RALYL: variants seen among roughly 807,000 people sequenced by gnomAD.
The protein encoded by RALYL is RALY RNA binding protein like.
In RALYL, 29 loss-of-function variants were observed where a neutral mutation model predicts 35.1. The ratio of observed to expected loss-of-function variants is 0.83; its 90% CI spans 0.61 to 1.13. RALYL has a LOEUF of 1.13. RALYL is among the 50% of genes most tolerant of loss of function. The probability of loss-of-function intolerance (pLI) is 0.00; values close to 1 mark genes in which losing one functional copy is unlikely to be tolerated. For missense variants in RALYL, 359 were observed against 360.4 expected (o/e 1.00, Z 0.03); for synonymous variants, 120 against 127.6 (o/e 0.94, Z 0.40).
chr8:84,314,514 C>G (rs1193430118), intron 1 of RALYL, among the ~76,000 whole-genome samples: 1 of 151,848 alleles, frequency 6.6e-6, no homozygotes, highest in Admixed American at 6.6e-5. Flanking sequence ...AAAAGATCTT[C>G]TCAATAAATA....
chr8:84,301,167 T>C (rs1473802668), intron 1 of RALYL, among the ~76,000 whole-genome samples: 1 of 152,056 alleles, frequency 6.6e-6, no homozygotes, highest in Non-Finnish European at 1.5e-5. Context: ...TAAGAAATCA[T>C]GGTTGGAATT....
intron 1 of RALYL, among the ~76,000 whole-genome samples, chr8:84,373,346 T>C (rs1856288633): frequency 6.6e-6 from 1 of 152,030 alleles, no homozygotes; most frequent in African/African-American, 2.4e-5. Context: ...GTTTTTATAG[T>C]TTCAGGTTTT....
intron 2 of RALYL, among the ~76,000 whole-genome samples, chr8:84,739,573 T>C (rs1002268538): frequency 7.9e-5 from 12 of 151,776 alleles, no homozygotes; most frequent in African/African-American, 2.9e-4. Context: ...TATATATGTA[T>C]TTCATATATA....
intron 1 of RALYL, among the ~76,000 whole-genome samples, chr8:84,488,123 C>T (rs553207322): frequency 6.6e-6 from 1 of 152,100 alleles, no homozygotes; most frequent in African/African-American, 2.4e-5. Context: ...TTTATAACTC[C>T]ACTTTATAGA....
rs535782846 is a variant in RALYL at position 84,485,375 on chromosome 8, G to A, written c.-23-43924G>A. On this transcript the variant is annotated intron_variant, in intron 1 of 8. Coordinates refer to ENST00000521268, the MANE Select transcript of RALYL (RefSeq NM_173848.7). ...AGGCGGAGGCGAGTGGATCACTTGA[G>A]GTCAGGAGTTTGAGTCCAGCATGGC... 3.6e-4 allele frequency among the ~76,000 whole-genome samples: 55 copies of A among 152,114 alleles called. 1 individual carries two copies. Among genetic ancestry groups the A allele is most frequent in the South Asian group, 1.0e-3 (5 of 4,822 alleles).
intron 1 of RALYL, among the ~76,000 whole-genome samples, chr8:84,396,258 A>G (rs1157493059): frequency 2.6e-5 from 4 of 152,012 alleles, no homozygotes; most frequent in African/African-American, 9.7e-5. Context: ...TTACCTTCCC[A>G]TGATGGGCTC....
At chr8:84,281,438 T>C (rs1836534562) in intron 1 of RALYL, among the ~76,000 whole-genome samples, 1 of 152,202 alleles carries the variant, frequency 6.6e-6, no homozygotes, top group African/African-American at 2.4e-5. Flanking sequence ...TGTAAGGTTT[T>C]ACAACATATG....
In RALYL at chr8:84,571,875, G is replaced by C. The variant is rs188168035; in HGVS notation, c.256+42298G>C. ...CCTTAATTTCTTTATTTACCCAAAA[G>C]CCATTCAGGAGGAAATTGTTTAGTT... On this transcript the variant is annotated intron_variant, in intron 2 of 8. Transcript: ENST00000521268. 2.3e-3 allele frequency among the ~76,000 whole-genome samples: 348 copies of C among 151,884 alleles called. 2 individuals carry two copies. The highest frequency in any genetic ancestry group is 7.9e-3 in the African/African-American group (326 of 41,496).
At chr8:84,696,013 A>G (rs1310922321) in intron 2 of RALYL, among the ~76,000 whole-genome samples, 3 of 151,814 alleles carry the variant, frequency 2.0e-5, no homozygotes, top group African/African-American at 7.2e-5. Context: ...CAAATCTGCT[A>G]TGAACAGGAT....
intron 2 of RALYL, among the ~76,000 whole-genome samples, chr8:84,735,851 C>T (rs925713287): frequency 1.7e-5 from 2 of 117,262 alleles, no homozygotes; most frequent in Admixed American, 8.1e-5. Flanking sequence ...AGAGAGAGAA[C>T]GAGAACACAC....
chr8:84,848,838 A>G (rs938190654), intron 4 of RALYL, among the ~76,000 whole-genome samples: 4 of 152,054 alleles, frequency 2.6e-5, no homozygotes, highest in Non-Finnish European at 1.5e-5. Flanking sequence ...GAGTAAGTAA[A>G]CTTTTTTTTT....
At chr8:84,919,463 A>G (rs183227527) in intron 8 of RALYL, among the ~76,000 whole-genome samples, 32 of 152,212 alleles carry the variant, frequency 2.1e-4, no homozygotes, top group Admixed American at 1.7e-3. Context: ...ATGTTGTATA[A>G]TAAGTTCGAA....
chr8:84,575,529 G>A (rs888841036), intron 2 of RALYL, among the ~76,000 whole-genome samples: 4 of 152,170 alleles, frequency 2.6e-5, no homozygotes, highest in Non-Finnish European at 4.4e-5. Flanking sequence ...GATTGAGGTT[G>A]ACAGTTTAGT....
intron 1 of RALYL, among the ~76,000 whole-genome samples, chr8:84,240,770 A>G (rs1394953313): frequency 6.6e-6 from 1 of 152,210 alleles, no homozygotes; most frequent in Non-Finnish European, 1.5e-5. Flanking sequence ...AATAGAAAAG[A>G]TGTGATAAAA....
At chr8:84,248,181 T>C (rs1829491860) in intron 1 of RALYL, among the ~76,000 whole-genome samples, 1 of 152,094 alleles carries the variant, frequency 6.6e-6, no homozygotes, top group Admixed American at 6.6e-5. Flanking sequence ...AAATATGTGA[T>C]TAAATTTAGT....
intron 6 of RALYL, among the ~76,000 whole-genome samples, chr8:84,863,694 CA>C (rs1012359984): frequency 3.9e-5 from 6 of 152,042 alleles, no homozygotes; most frequent in African/African-American, 1.4e-4. Flanking sequence ...TTTGTTTTTA[CA>C]AAATGCAGTT....
chr8:84,733,158 G>C (rs1413991222), intron 2 of RALYL, among the ~76,000 whole-genome samples: 3 of 152,176 alleles, frequency 2.0e-5, no homozygotes, highest in East Asian at 3.9e-4. Context: ...GCTTACTGCT[G>C]TCAGGTAAAT....
At chr8:84,723,842 A>G (rs1271990476) in intron 2 of RALYL, among the ~76,000 whole-genome samples, 2 of 151,376 alleles carry the variant, frequency 1.3e-5, no homozygotes, top group Admixed American at 6.6e-5. Context: ...CCCCACCCAA[A>G]CCTCTAATGC....
At chr8:84,407,001 C>CCTCTCT (rs151279468) in intron 1 of RALYL, among the ~76,000 whole-genome samples, 7 of 148,554 alleles carry the variant, frequency 4.7e-5, no homozygotes, top group East Asian at 3.9e-4. Context: ...TCTCTCTCTC[C>CCTCTCT]CTCTCTCTCT....
Sources: gnomAD v4.1 joint callset for allele counts (sites outside exome capture counted in the v4.1 genomes callset) on GRCh38, gnomAD v4.1.1 for gene constraint, MANE v1.5 for transcripts, NCBI Gene and HGNC (gene_info 2026-07-23, HGNC 2026-07-21) for gene names.